The following BNC2 variants were observed in gnomAD, a reference collection of about 807,000 sequenced individuals.
BNC2 encodes the protein basonuclin zinc finger protein 2, also known as zinc finger protein basonuclin-2.
A neutral mutation model predicts 76.3 loss-of-function variants in BNC2; 20 were observed. That is an observed-to-expected ratio of 0.26 (90% CI 0.18 to 0.38). BNC2 has a LOEUF of 0.38. Ranked by LOEUF, BNC2 falls within the 10% of genes least tolerant of loss-of-function variation. The pLI, the probability that BNC2 is intolerant of heterozygous loss-of-function variation, is 1.00. For synonymous variants in BNC2, 582 were observed against 514.8 expected (o/e 1.13, Z -1.77); for missense variants, 1,382 against 1,399.8 (o/e 0.99, Z 0.20).
intron 1 of BNC2, among the ~76,000 whole-genome samples, chr9:16,777,624 C>T (rs1826005109): frequency 6.7e-6 from 1 of 149,348 alleles, no homozygotes; most frequent in African/African-American, 2.4e-5. Flanking sequence ...TGACGTGAAC[C>T]CGGGAGGCGG....
intron 5 of BNC2, among the ~76,000 whole-genome samples, chr9:16,547,549 G>C (rs1451335368): frequency 2.6e-5 from 4 of 152,210 alleles, no homozygotes; most frequent in Non-Finnish European, 5.9e-5. Flanking sequence ...TTAATTGACT[G>C]ATTTTAAATT....
intron 1 of BNC2, among the ~76,000 whole-genome samples, chr9:16,768,289 A>C (rs113904853): frequency 1.3e-5 from 2 of 152,072 alleles, no homozygotes; most frequent in African/African-American, 4.8e-5. Context: ...CAGACACAGA[A>C]GTCAGTAAGA....
chr9:16,419,447 C>G lies in BNC2; in HGVS notation c.2842G>C (p.Gly948Arg). 3 of 1,612,066 alleles carry G rather than the reference C, an allele frequency of 1.9e-6. No homozygotes were observed. The highest frequency in any genetic ancestry group is 2.5e-6 in the Non-Finnish European group (3 of 1,178,850). Residue 948 changes from glycine (G) to arginine (R), a missense_variant, in exon 7 of 7, where the codon GGG (glycine) becomes CGG (arginine). Physicochemically the swap from Gly to Arg is moderately radical, Grantham distance 125. Coordinates refer to ENST00000380672, the MANE Select transcript of BNC2 (RefSeq NM_017637.6). The stretch of plus-strand genomic sequence containing the variant: ...TCCTCTGCCATGCCTCTCCCATACC[C>G]GTTCAGGTGGGAGTCTTCAGTCCCT... ...PAGTEDSHLN[G>R]YGRGMAEDYM...
At chr9:16,494,255 C>T (rs1563809280) in intron 5 of BNC2, among the ~76,000 whole-genome samples, 1 of 152,164 alleles carries the variant, frequency 6.6e-6, no homozygotes. Flanking sequence ...CAGATTCAAG[C>T]GATTCTCCTG....
Position 16,436,276 on chromosome 9 carries a change from C to T in BNC2, c.1918G>A (p.Val640Met). ...KKKPRKSSMPVKIEKEIIDTA... is the reference protein window; with the variant it reads ...KKKPRKSSMPMKIEKEIIDTA... ...TCAATAATTTCCTTCTCAATCTTCACAGGCATGCTTGACTTCCTGGGCTTT... is the reference window on the plus strand; with the variant it reads ...TCAATAATTTCCTTCTCAATCTTCATAGGCATGCTTGACTTCCTGGGCTTT... The change falls in exon 6 of 7, where the codon GTG (valine) becomes ATG (methionine). Residue 640 changes from valine to methionine, a missense_variant. Physicochemically the swap from Val to Met is conservative, Grantham distance 21. Transcript: ENST00000380672. 1 of 1,614,164 alleles carries T rather than the reference C, an allele frequency of 6.2e-7. No individual in the cohort carries two copies. The highest frequency in any genetic ancestry group is 8.5e-7 in the Non-Finnish European group (1 of 1,180,036).
In BNC2 at chr9:16,436,907, C is replaced by T. The variant is rs116000575; in HGVS notation, c.1287G>A (p.Met429Ile). ...HPKSSFRIHR[M>I]RRMGSASRKG... ...TCCTAGAGGCTGACCCCATCCTTCTCATCCGATGAATCCGGAATGAGCTTT... is the reference window on the plus strand; with the variant it reads ...TCCTAGAGGCTGACCCCATCCTTCTTATCCGATGAATCCGGAATGAGCTTT... Residue 429 changes from methionine to isoleucine, a missense_variant, in exon 6 of 7, where the codon ATG (methionine) becomes ATA (isoleucine). By Grantham distance (10) the Met-to-Ile change is conservative (BLOSUM62 1). Around this residue, in one of 3 missense-constraint regions of BNC2, gnomAD observed 557 missense variants for 540.9 expected, o/e 1.03. Transcript: ENST00000380672. 4.1e-4 allele frequency: 662 copies of T among 1,614,124 alleles called. 5 individuals carry two copies. The African/African-American group carries it at 7.8e-3, about 19-fold the overall frequency.
intron 5 of BNC2, 64 bp downstream of exon 5, chr9:16,552,466 A>T: frequency 7.1e-7 from 1 of 1,402,294 alleles, no homozygotes; most frequent in Non-Finnish European, 1.0e-6. Flanking sequence ...TTTGTCAAGG[A>T]CTCTCACCCT....
intron 6 of BNC2, 72 bp downstream of exon 6, chr9:16,435,482 GT>G: frequency 2.0e-6 from 3 of 1,532,362 alleles, no homozygotes; most frequent in Non-Finnish European, 2.7e-6. Flanking sequence ...ATTTCTTTTA[GT>G]GTGAAGTCCA....
At chr9:16,440,279 T>A (rs1473310262) in intron 5 of BNC2, among the ~76,000 whole-genome samples, 1 of 152,158 alleles carries the variant, frequency 6.6e-6, no homozygotes, top group African/African-American at 2.4e-5. Flanking sequence ...CAGTACTCAG[T>A]GGCTGTCATT....
chr9:16,706,145 T>C (rs1823665631), intron 3 of BNC2, among the ~76,000 whole-genome samples: 2 of 152,182 alleles, frequency 1.3e-5, no homozygotes, highest in South Asian at 4.1e-4. Context: ...ATCACAACAG[T>C]ACTAATTTTT....
intron 3 of BNC2, among the ~76,000 whole-genome samples, chr9:16,608,600 G>C (rs1218346293): frequency 1.3e-5 from 2 of 152,012 alleles, no homozygotes; most frequent in Non-Finnish European, 2.9e-5. Context: ...TGAACTCCTG[G>C]GCTCAAGGGA....
intron 3 of BNC2, among the ~76,000 whole-genome samples, chr9:16,667,136 A>G (rs1822324597): frequency 6.6e-6 from 1 of 151,068 alleles, no homozygotes; most frequent in South Asian, 2.1e-4. Flanking sequence ...CCGATGTTAT[A>G]AAAGTACTGT....
chr9:16,730,976 A>G (rs10756796), intron 2 of BNC2, among the ~76,000 whole-genome samples: 64,637 of 152,074 alleles, frequency 0.43, 18,457 homozygotes, highest in Non-Finnish European at 0.64. Flanking sequence ...ATATTTGAAA[A>G]GAACATTTAA....
chr9:16,481,219 T>C (rs1016185193), intron 5 of BNC2, among the ~76,000 whole-genome samples: 4 of 152,036 alleles, frequency 2.6e-5, no homozygotes, highest in African/African-American at 9.7e-5. Context: ...ATCAGCGCCC[T>C]GTCAAAACAG....
intron 5 of BNC2, among the ~76,000 whole-genome samples, chr9:16,515,969 C>A (rs367723812): frequency 2.6e-5 from 4 of 151,576 alleles, no homozygotes; most frequent in African/African-American, 9.7e-5. Flanking sequence ...CAGACTGCCA[C>A]TACCATAAAA....
intron 5 of BNC2, among the ~76,000 whole-genome samples, chr9:16,501,969 G>A (rs1020026230): frequency 6.6e-6 from 1 of 152,168 alleles, no homozygotes; most frequent in Non-Finnish European, 1.5e-5. Context: ...TATTTAAAAT[G>A]CATTTCTAAT....
intron 1 of BNC2, among the ~76,000 whole-genome samples, chr9:16,816,339 A>G (rs2135902908): frequency 6.6e-6 from 1 of 152,300 alleles, no homozygotes; most frequent in Non-Finnish European, 1.5e-5. Flanking sequence ...TCACACCACC[A>G]CTTCAAGATG....
intron 3 of BNC2, among the ~76,000 whole-genome samples, chr9:16,634,124 A>G (rs1821247215): frequency 6.6e-6 from 1 of 152,230 alleles, no homozygotes; most frequent in Non-Finnish European, 1.5e-5. Context: ...GTGTTCTGAC[A>G]GGACTATTTA....
At chr9:16,655,940 C>T (rs553744188) in intron 3 of BNC2, among the ~76,000 whole-genome samples, 1 of 152,278 alleles carries the variant, frequency 6.6e-6, no homozygotes, top group South Asian at 2.1e-4. Context: ...AAGATGGACA[C>T]GTGTGGACAT....
Sources: gnomAD v4.1 joint callset for allele counts (sites outside exome capture counted in the v4.1 genomes callset) on GRCh38, gnomAD v4.1.1 for gene constraint, gnomAD v4.1.1 regional missense constraint, MANE v1.5 for transcripts, NCBI Gene and HGNC (gene_info 2026-07-23, HGNC 2026-07-21) for gene names.